Variants in TBC1D5 observed in about 807,000 individuals in gnomAD.
TBC1D5 encodes TBC1 domain family member 5.
In TBC1D5, 75 loss-of-function variants were observed where a neutral mutation model predicts 100.3. That is an observed-to-expected ratio of 0.75 (90% CI 0.62 to 0.91). The LOEUF (loss-of-function observed/expected upper bound fraction) is 0.91. TBC1D5 is among the 40% of genes least tolerant of loss of function. The pLI, the probability that TBC1D5 is intolerant of heterozygous loss-of-function variation, is 0.00. For synonymous variants in TBC1D5, 323 were observed against 325.6 expected, an observed-to-expected ratio of 0.99 and a Z score of 0.09; for missense variants, 910 against 942.4, an observed-to-expected ratio of 0.97 and a Z score of 0.45.
At chr3:17,416,063 C>T (rs1456390554) in intron 4 of TBC1D5, among the ~76,000 whole-genome samples, 1 of 152,170 alleles carries the variant, frequency 6.6e-6, no homozygotes, top group African/African-American at 2.4e-5. Context: ...AATTAAAAGT[C>T]AATCCTATGA....
intron 13 of TBC1D5, among the ~76,000 whole-genome samples, chr3:17,347,319 A>G (rs73145856): frequency 0.061 from 9,242 of 152,194 alleles, 549 homozygotes; most frequent in African/African-American, 0.15. Context: ...ATGACTATAT[A>G]TATTTAAGTA....
chr3:17,361,210 G>A (rs2091672266), intron 13 of TBC1D5, among the ~76,000 whole-genome samples: 1 of 151,844 alleles, frequency 6.6e-6, no homozygotes, highest in Non-Finnish European at 1.5e-5. Context: ...AAACACGAAA[G>A]CAAAAGCTGA....
chr3:17,376,503 T>G (rs746621214), intron 10 of TBC1D5, 22 bp downstream of exon 10: 14 of 1,579,426 alleles, frequency 8.9e-6, no homozygotes, highest in Non-Finnish European at 1.2e-5. Context: ...CAAATGGAGC[T>G]CATATTAAAA....
At chr3:17,222,385 G>A (rs555810902) in intron 17 of TBC1D5, among the ~76,000 whole-genome samples, 1 of 152,274 alleles carries the variant, frequency 6.6e-6, no homozygotes, top group Non-Finnish European at 1.5e-5. Context: ...TACAAGTGAT[G>A]GGATATGTGT....
At chr3:17,372,339 A>T in intron 12 of TBC1D5, 92 bp from the exon 13 acceptor site, 1 of 1,211,116 alleles carries the variant, frequency 8.3e-7, no homozygotes, top group Non-Finnish European at 1.1e-6. Context: ...TTAAACAAGA[A>T]GTCTTATTAT....
chr3:17,227,159 G>C (rs770997327), intron 17 of TBC1D5, among the ~76,000 whole-genome samples: 28 of 152,144 alleles, frequency 1.8e-4, no homozygotes, highest in Non-Finnish European at 3.2e-4. Flanking sequence ...GTGCGCAAAA[G>C]GGGGAGTGTC....
intron 3 of TBC1D5, among the ~76,000 whole-genome samples, chr3:17,466,953 CAATA>C (rs2150051380): frequency 6.6e-6 from 1 of 151,640 alleles, no homozygotes; most frequent in East Asian, 1.9e-4. Context: ...TTGAAAGCCC[CAATA>C]AATATTTAGT....
intron 14 of TBC1D5, among the ~76,000 whole-genome samples, chr3:17,299,744 AGCTATTCAGGAG>A (rs1334875888): frequency 6.6e-6 from 1 of 151,104 alleles, no homozygotes; most frequent in African/African-American, 2.4e-5. Context: ...CTGTAGTCCC[AGCTATTCAGGAG>A]GCTGAGGCAG....
At chr3:17,466,692 C>T (rs2095306486) in intron 3 of TBC1D5, among the ~76,000 whole-genome samples, 3 of 151,960 alleles carry the variant, frequency 2.0e-5, no homozygotes, top group Admixed American at 1.3e-4. Flanking sequence ...TCAAGTTAGA[C>T]CACTAGACAA....
chr3:17,341,359 G>T (rs1343458494), intron 13 of TBC1D5, among the ~76,000 whole-genome samples: 1 of 152,064 alleles, frequency 6.6e-6, no homozygotes, highest in South Asian at 2.1e-4. Context: ...ACCACGCCCG[G>T]CTAATTTTTT....
exon 5 of TBC1D5, chr3:17,406,514 T>C (rs998048078): frequency 6.2e-7 from 1 of 1,611,650 alleles, no homozygotes; most frequent in Non-Finnish European, 8.5e-7. Flanking sequence ...CAAATAGTTC[T>C]TCCCATTCTT....
chr3:17,281,637 A>G (rs2080611415), intron 15 of TBC1D5, among the ~76,000 whole-genome samples: 1 of 152,260 alleles, frequency 6.6e-6, no homozygotes, highest in Admixed American at 6.5e-5. Flanking sequence ...AATATACTTT[A>G]AAATTCTCCA....
At chr3:17,666,804 G>A (rs1413091921) in intron 1 of TBC1D5, among the ~76,000 whole-genome samples, 3 of 151,940 alleles carry the variant, frequency 2.0e-5, no homozygotes, top group Non-Finnish European at 4.4e-5. Context: ...ATTCTGGGTG[G>A]AATGACTTTC....
At chr3:17,171,995 C>G (rs2067215643) in intron 19 of TBC1D5, among the ~76,000 whole-genome samples, 1 of 152,216 alleles carries the variant, frequency 6.6e-6, no homozygotes, top group Non-Finnish European at 1.5e-5. Flanking sequence ...TCACCACCAG[C>G]ATACCCTCAT....
At chr3:17,175,905 C>T (rs1405315844) in intron 19 of TBC1D5, among the ~76,000 whole-genome samples, 1 of 152,216 alleles carries the variant, frequency 6.6e-6, no homozygotes, top group Non-Finnish European at 1.5e-5. Flanking sequence ...GGCTCATATG[C>T]TCTTGTCCTC....
rs759309754 is a variant in TBC1D5 at position 17,499,709 on chromosome 3, AC to A, written c.97+8764del. On this transcript the variant is annotated intron_variant, in intron 3 of 21. Transcript: ENST00000253692. ...TCTCCAAAAAAAAAAAAAAATCTAA[AC>A]CCTTACTCTACTGTAGTTTTTGGCC... 2.2e-3 allele frequency among the ~76,000 whole-genome samples: 322 copies of A among 148,750 alleles called. 8 individuals carry two copies. Among genetic ancestry groups the A allele is most frequent in the Non-Finnish European group, 2.8e-3 (192 of 67,774 alleles).
chr3:17,410,294 G>A (rs1489496533), intron 4 of TBC1D5, among the ~76,000 whole-genome samples: 2 of 151,998 alleles, frequency 1.3e-5, no homozygotes, highest in Non-Finnish European at 2.9e-5. Flanking sequence ...TATTGCTCAG[G>A]AAAAAAGATT....
chr3:17,263,366 C>CAAAAA (rs71049192), intron 15 of TBC1D5, among the ~76,000 whole-genome samples: 4 of 80,990 alleles, frequency 4.9e-5, no homozygotes, highest in African/African-American at 9.4e-5. Context: ...ACCCTGTCTC[C>CAAAAA]AAAAAAAAAA....
At chr3:17,181,512 G>A (rs756784490) in intron 19 of TBC1D5, among the ~76,000 whole-genome samples, 14 of 152,168 alleles carry the variant, frequency 9.2e-5, no homozygotes, top group African/African-American at 2.9e-4. Flanking sequence ...CATATGTGTC[G>A]ACATATGAGG....
Sources: allele counts gnomAD v4.1 joint callset (sites outside exome capture counted in the v4.1 genomes callset), GRCh38; gene constraint gnomAD v4.1.1; transcripts MANE v1.5; gene names NCBI Gene and HGNC (gene_info 2026-07-23, HGNC 2026-07-21).